The following SPATA22 variants were observed in gnomAD, a reference collection of about 807,000 sequenced individuals.
The protein encoded by SPATA22 is spermatogenesis associated 22.
In SPATA22, 29 loss-of-function variants were observed where a neutral mutation model predicts 47.8. The ratio of observed to expected loss-of-function variants is 0.61; its 90% confidence interval spans 0.45 to 0.83. The LOEUF (loss-of-function observed/expected upper bound fraction) is 0.83, where lower values mean the gene tolerates loss of function less well. Ranked by LOEUF, SPATA22 falls within the 40% of genes least tolerant of loss-of-function variation. The pLI is 0.00. For synonymous variants in SPATA22, 133 were observed against 140.9 expected, an observed-to-expected ratio of 0.94 and a Z score of 0.40; for missense variants, 410 against 421.7, an observed-to-expected ratio of 0.97 and a Z score of 0.24.
intron 7 of SPATA22, 22 bp from the exon 8 acceptor site, chr17:3,443,293 GA>G (rs763703385): frequency 5.9e-6 from 9 of 1,519,362 alleles, no homozygotes; most frequent in African/African-American, 1.4e-5. Context: ...TGAAATGGGG[GA>G]AAAAATGAAT....
chr17:3,467,107 C>T (rs1223919379), intron 3 of SPATA22, among the ~76,000 whole-genome samples: 1 of 152,142 alleles, frequency 6.6e-6, no homozygotes, highest in Non-Finnish European at 1.5e-5. Context: ...CCATTCTTTA[C>T]CACCAAATGT....
chr17:3,453,394 C>A (rs1238403738), intron 5 of SPATA22, among the ~76,000 whole-genome samples: 5 of 152,086 alleles, frequency 3.3e-5, no homozygotes, highest in African/African-American at 4.8e-5. Context: ...TTATACACCA[C>A]AGTAGCAGAA....
At chr17:3,451,540 G>A (rs2072859998) in intron 5 of SPATA22, among the ~76,000 whole-genome samples, 1 of 152,154 alleles carries the variant, frequency 6.6e-6, no homozygotes, top group South Asian at 2.1e-4. Flanking sequence ...CTTTCTGAAG[G>A]ATAACTCACG....
intron 5 of SPATA22, among the ~76,000 whole-genome samples, chr17:3,454,207 A>T (rs1449544526): frequency 6.9e-6 from 1 of 144,862 alleles, no homozygotes; most frequent in Admixed American, 6.9e-5. Context: ...AAAACAGATT[A>T]AAAAAAAAAA....
At chr17:3,459,507 A>G (rs895159244) in intron 5 of SPATA22, among the ~76,000 whole-genome samples, 7 of 152,108 alleles carry the variant, frequency 4.6e-5, no homozygotes, top group East Asian at 3.8e-4. Context: ...CCAGGTTCCA[A>G]TGATTCTACT....
intron 1 of SPATA22, among the ~76,000 whole-genome samples, chr17:3,478,930 C>G (rs184788420): frequency 6.6e-6 from 1 of 152,160 alleles, no homozygotes; most frequent in African/African-American, 2.4e-5. Context: ...CTTCACAAAT[C>G]CAGCCTTCCT....
intron 1 of SPATA22, chr17:3,500,723 C>G (rs2073979718): frequency 6.6e-6 from 1 of 151,912 alleles, no homozygotes; most frequent in South Asian, 2.1e-4. Context: ...CCAGGATGGT[C>G]TCGATCTCCT....
chr17:3,448,427 C>T (rs2072776591), intron 6 of SPATA22, among the ~76,000 whole-genome samples: 3 of 152,100 alleles, frequency 2.0e-5, no homozygotes, highest in Admixed American at 2.0e-4. Flanking sequence ...CCCATAAAGC[C>T]AAAAATACTG....
intron 1 of SPATA22, among the ~76,000 whole-genome samples, chr17:3,483,933 C>T (rs1355311700): frequency 6.6e-6 from 1 of 152,222 alleles, no homozygotes; most frequent in Non-Finnish European, 1.5e-5. Flanking sequence ...GCTGGGATTA[C>T]AGGCATGAGT....
intron 6 of SPATA22, 50 bp from the exon 7 acceptor site, chr17:3,446,651 A>G (rs770104212): frequency 7.3e-7 from 1 of 1,364,906 alleles, no homozygotes; most frequent in Non-Finnish European, 9.9e-7. Context: ...TGTTTTTTTC[A>G]TCATACTCGT....
At chr17:3,476,534 A>G (rs1040546828), upstream of SPATA22, 18 of 826,352 alleles carry the variant, frequency 2.2e-5, no homozygotes, top group Non-Finnish European at 3.4e-5. Context: ...GATCACTTTC[A>G]CTTTTAATTA....
upstream of SPATA22, chr17:3,472,040 C>G (rs1483182957): frequency 9.5e-6 from 2 of 210,304 alleles, no homozygotes; most frequent in Non-Finnish European, 1.6e-5. Flanking sequence ...AGAGGCAGAT[C>G]TCCTGCCCAA....
chr17:3,462,784 A>T lies in SPATA22; in HGVS notation c.173-17T>A, dbSNP rs1291277346. On this transcript the variant is annotated splice_polypyrimidine_tract_variant and intron_variant, in intron 3 of 8. Coordinates refer to ENST00000572969, the MANE Select transcript of SPATA22 (RefSeq NM_001170698.2). ...AGGCCCAATCTCAAAAGATATAAGT[A>T]ACATAGATAAAAGTAAGATAGGTAG... 1 of 1,578,320 alleles carries T rather than the reference A, an allele frequency of 6.3e-7. No individual in the cohort carries two copies. The highest frequency in any genetic ancestry group is 1.7e-4 in the Middle Eastern group (1 of 6,004).
chr17:3,479,806 G>A (rs2073596344), intron 1 of SPATA22, among the ~76,000 whole-genome samples: 1 of 152,058 alleles, frequency 6.6e-6, no homozygotes, highest in African/African-American at 2.4e-5. Flanking sequence ...GAAGATACTA[G>A]CAAAAATAAC....
At chr17:3,494,277 GA>G in intron 1 of SPATA22, 1 of 1,169,554 alleles carries the variant, frequency 8.6e-7, no homozygotes, top group South Asian at 1.2e-5. Context: ...GTGCTGGGAT[GA>G]CAGGCATGAG....
intron 1 of SPATA22, among the ~76,000 whole-genome samples, chr17:3,483,990 C>T (rs1365206206): frequency 2.0e-5 from 3 of 152,172 alleles, no homozygotes; most frequent in Non-Finnish European, 4.4e-5. Flanking sequence ...TTTACAGCTA[C>T]CTTCCATATC....
At chr17:3,447,174 G>A (rs1249658663) in intron 6 of SPATA22, among the ~76,000 whole-genome samples, 1 of 152,060 alleles carries the variant, frequency 6.6e-6, no homozygotes, top group Admixed American at 6.6e-5. Flanking sequence ...AAGGTAAATG[G>A]AAAGAGAGAG....
intron 3 of SPATA22, among the ~76,000 whole-genome samples, chr17:3,466,358 A>C (rs1164776246): frequency 6.6e-6 from 1 of 151,680 alleles, no homozygotes; most frequent in Non-Finnish European, 1.5e-5. Flanking sequence ...TAAAAAGTCA[A>C]CAACAACCAT....
At chr17:3,494,610 G>A (rs1032253963) in intron 1 of SPATA22, 9 of 691,890 alleles carry the variant, frequency 1.3e-5, no homozygotes, top group East Asian at 5.5e-5. Context: ...TCGGACTGTC[G>A]CTCAATAAAT....
Sources: gnomAD v4.1 joint callset for allele counts (sites outside exome capture counted in the v4.1 genomes callset) on GRCh38, gnomAD v4.1.1 for gene constraint, MANE v1.5 for transcripts, NCBI Gene and HGNC (gene_info 2026-07-23, HGNC 2026-07-21) for gene names.